The following NALCN variants were observed in gnomAD, a reference collection of about 807,000 sequenced individuals.
The protein encoded by NALCN is sodium leak channel, non-selective, also known as sodium leak channel NALCN.
Under a neutral mutation model 225.3 loss-of-function variants are expected in NALCN, and 111 were observed. That is an observed-to-expected ratio of 0.49 (90% CI 0.42 to 0.58). The LOEUF (loss-of-function observed/expected upper bound fraction) is 0.58, where lower values mean the gene tolerates loss of function less well. NALCN is among the 20% of genes least tolerant of loss of function. The probability of loss-of-function intolerance (pLI) is 0.00; values close to 1 mark genes in which losing one functional copy is unlikely to be tolerated. For missense variants in NALCN, 1,378 were observed against 2,202.4 expected (o/e 0.63, Z 7.49); for synonymous variants, 764 against 769.0 (o/e 0.99, Z 0.11).
intron 13 of NALCN, among the ~76,000 whole-genome samples, chr13:101,209,205 C>A (rs1248752321): frequency 1.3e-5 from 2 of 152,116 alleles, no homozygotes; most frequent in Non-Finnish European, 2.9e-5. Flanking sequence ...CTCCATTTTT[C>A]TTCAAGGCTC....
chr13:101,385,653 G>A (rs1248905132), intron 3 of NALCN, among the ~76,000 whole-genome samples: 1 of 151,968 alleles, frequency 6.6e-6, no homozygotes, highest in Non-Finnish European at 1.5e-5. Flanking sequence ...TCACCTTTTG[G>A]GCCCAATCTT....
At chr13:101,239,263 A>G (rs1346349502) in intron 11 of NALCN, among the ~76,000 whole-genome samples, 1 of 151,948 alleles carries the variant, frequency 6.6e-6, no homozygotes, top group Non-Finnish European at 1.5e-5. Flanking sequence ...CTAATTTTAA[A>G]GATGTCATTG....
chr13:101,364,866 GTCAA>G (rs1451801263), intron 6 of NALCN, among the ~76,000 whole-genome samples: 2 of 151,964 alleles, frequency 1.3e-5, no homozygotes, highest in Non-Finnish European at 2.9e-5. Context: ...CATCTATTGT[GTCAA>G]TAAACATATG....
intron 15 of NALCN, among the ~76,000 whole-genome samples, chr13:101,163,628 C>T (rs1048110882): frequency 6.6e-6 from 1 of 152,052 alleles, no homozygotes; most frequent in Non-Finnish European, 1.5e-5. Flanking sequence ...CGCAGGCTGG[C>T]GTAGGATTCC....
upstream of NALCN, among the ~76,000 whole-genome samples, chr13:101,417,153 C>T (rs559818995): frequency 3.2e-4 from 49 of 152,238 alleles, no homozygotes; most frequent in African/African-American, 1.1e-3. Flanking sequence ...TCCTAGGGCT[C>T]CCAGCAGAGC....
Position 101,083,224 on chromosome 13 carries a change from G to T in NALCN, c.3584-26C>A, listed in dbSNP as rs183708446. 1.5e-5 allele frequency: 23 copies of T among 1,576,246 alleles called. No individual in the cohort carries two copies. The African/African-American group carries it at 2.7e-4, about 19-fold the overall frequency. ...CTAGAAAAGAAAGGTTTGGGCAAGGGCATTTTAGACACAGGTCACATTTAC... is the reference window on the plus strand; with the variant it reads ...CTAGAAAAGAAAGGTTTGGGCAAGGTCATTTTAGACACAGGTCACATTTAC... On this transcript the variant is annotated intron_variant, in intron 31 of 43. Coordinates refer to ENST00000251127, the MANE Select transcript of NALCN (RefSeq NM_052867.4).
At chr13:101,344,861 T>C (rs2045666680) in intron 7 of NALCN, among the ~76,000 whole-genome samples, 1 of 152,174 alleles carries the variant, frequency 6.6e-6, no homozygotes, top group African/African-American at 2.4e-5. Flanking sequence ...CATCAATACC[T>C]AGTATTACAG....
chr13:101,129,145 G>A (rs1367682957), intron 17 of NALCN, among the ~76,000 whole-genome samples: 2 of 152,036 alleles, frequency 1.3e-5, no homozygotes, highest in Admixed American at 6.6e-5. Flanking sequence ...TTTATTAGTT[G>A]GGATAGTTTT....
At chr13:101,262,700 C>T (rs2042469848) in intron 10 of NALCN, among the ~76,000 whole-genome samples, 1 of 152,144 alleles carries the variant, frequency 6.6e-6, no homozygotes, top group Non-Finnish European at 1.5e-5. Flanking sequence ...CTTCTGAGCA[C>T]TGCCAATGTC....
intron 27 of NALCN, among the ~76,000 whole-genome samples, chr13:101,098,984 C>T (rs2034663269): frequency 6.6e-6 from 1 of 151,846 alleles, no homozygotes; most frequent in Non-Finnish European, 1.5e-5. Context: ...TGTGTCTATG[C>T]TCATCTGCTG....
chr13:101,199,807 A>T (rs1160724208), intron 13 of NALCN, among the ~76,000 whole-genome samples: 1 of 152,110 alleles, frequency 6.6e-6, no homozygotes, highest in East Asian at 1.9e-4. Flanking sequence ...ATAAATATAT[A>T]TATATAGAAA....
chr13:101,242,076 T>G (rs2041777032), intron 11 of NALCN, among the ~76,000 whole-genome samples: 1 of 106,412 alleles, frequency 9.4e-6, no homozygotes, highest in South Asian at 3.1e-4. Flanking sequence ...ATATTTTAAG[T>G]GTTTGGTAGA....
At position 101,242,046 on chromosome 13, in the gene NALCN, T is replaced by G; in HGVS notation, c.1267-4124A>C. Among the ~76,000 whole-genome samples, 2 of 106,762 alleles carry G rather than the reference T, an allele frequency of 1.9e-5. 1 individual carries two copies. The highest frequency in any genetic ancestry group is 4.2e-5 in the Non-Finnish European group (2 of 47,632). The allele number at this position is 106,762 out of a possible 152,430, so 70.0% of individuals were successfully genotyped here. A position where few individuals can be genotyped will look rare whatever the true frequency, so the allele number is the denominator to read the frequency against. ...TTCCTTAATTTTTTGCACACTCTGC[T>G]GAACATTTAAAACGTCTTAATATTT... On this transcript the variant is annotated intron_variant, in intron 11 of 43. Transcript: ENST00000251127.
chr13:101,228,166 G>A (rs557013733), intron 13 of NALCN, among the ~76,000 whole-genome samples: 25 of 132,670 alleles, frequency 1.9e-4, no homozygotes, highest in South Asian at 5.0e-4. Context: ...AATCCTTGGC[G>A]GCACATGAAT....
At chr13:101,088,927 C>A (rs1021300574) in intron 30 of NALCN, among the ~76,000 whole-genome samples, 1 of 143,966 alleles carries the variant, frequency 6.9e-6, no homozygotes, top group Admixed American at 7.0e-5. Context: ...TTTTTTGAGT[C>A]TCGCTCTGTT....
intron 7 of NALCN, among the ~76,000 whole-genome samples, chr13:101,312,259 T>C (rs988257101): frequency 9.2e-5 from 14 of 152,192 alleles, no homozygotes; most frequent in Admixed American, 3.9e-4. Flanking sequence ...CTTTTCTTCT[T>C]TATTAGTCTT....
intron 16 of NALCN, among the ~76,000 whole-genome samples, chr13:101,143,811 C>G (rs142189876): frequency 6.6e-6 from 1 of 152,086 alleles, no homozygotes; most frequent in Admixed American, 6.5e-5. Flanking sequence ...TTTTCCCCCT[C>G]TAAGACTTGG....
Position 101,054,196 on chromosome 13 carries a change from A to T in NALCN, c.*1099T>A, listed in dbSNP as rs370046601. ...TGCTTTTCTAATTTTCCCGGAGGAC[A>T]TGGGCCATTGACATATAAGGAAAAA... is the stretch of plus-strand genomic sequence containing the variant. On this transcript the variant is annotated 3_prime_UTR_variant, in exon 44 of 44. Transcript: ENST00000251127. The T allele has an allele frequency of 1.3e-5, 2 of 152,218 alleles. No homozygotes were observed. Among genetic ancestry groups the T allele is most frequent in the East Asian group, 3.9e-4 (2 of 5,194 alleles). The allele number at this position is 152,218 out of a possible 1,614,324, so 9.4% of individuals were successfully genotyped here.
chr13:101,197,175 T>TG (rs1195651877), intron 13 of NALCN, among the ~76,000 whole-genome samples: 1 of 152,146 alleles, frequency 6.6e-6, no homozygotes, highest in Non-Finnish European at 1.5e-5. Context: ...CTTCACAGAT[T>TG]GGGGAATTTG....
Sources: allele counts gnomAD v4.1 joint callset (sites outside exome capture counted in the v4.1 genomes callset), GRCh38; gene constraint gnomAD v4.1.1; transcripts MANE v1.5; gene names NCBI Gene and HGNC (gene_info 2026-07-23, HGNC 2026-07-21).